LIPN: variants seen among roughly 807,000 people sequenced by gnomAD.
The protein encoded by LIPN is lipase member N.
Under a neutral mutation model 43.7 loss-of-function variants are expected in LIPN, and 32 were observed. The observed-to-expected ratio is 0.73, with a 90% CI of 0.55 to 0.98. The LOEUF (loss-of-function observed/expected upper bound fraction) is 0.98. LIPN is among the 50% of genes least tolerant of loss of function. The pLI is 0.00. For missense variants in LIPN, 505 were observed against 483.8 expected, an observed-to-expected ratio of 1.04 and a Z score of -0.41; for synonymous variants, 156 against 157.6, an observed-to-expected ratio of 0.99 and a Z score of 0.08.
At position 88,762,303 on chromosome 10, in the gene LIPN, C is replaced by T. The variant is rs1738382642; in HGVS notation, c.224C>T (p.Thr75Ile). ...IPYGRTHARSTGPRPVVYMQH... is the reference protein window; with the variant it reads ...IPYGRTHARSIGPRPVVYMQH... ...TATGGGCGAACACATGCTAGGAGCA[C>T]AGGTACAAGATATGTCTCTCCTGAA... The change falls in exon 3 of 10, where the codon ACA becomes ATA. Residue 75 changes from threonine to isoleucine, a missense_variant and splice_region_variant. Coordinates refer to ENST00000404459, the MANE Select transcript of LIPN (RefSeq NM_001102469.2). 2 of 1,583,452 alleles carry T rather than the reference C, an allele frequency of 1.3e-6. No homozygotes were observed. Among genetic ancestry groups the T allele is most frequent in the Non-Finnish European group, 1.7e-6 (2 of 1,157,132 alleles).
chr10:88,771,444 A>G (rs1157310400), intron 7 of LIPN, among the ~76,000 whole-genome samples: 2 of 151,708 alleles, frequency 1.3e-5, no homozygotes, highest in African/African-American at 4.8e-5. Context: ...TCTGGTAACC[A>G]TCATTCTTCT....
chr10:88,763,591 A>G (rs1235770657), intron 3 of LIPN, among the ~76,000 whole-genome samples: 2 of 152,058 alleles, frequency 1.3e-5, no homozygotes, highest in East Asian at 1.9e-4. Flanking sequence ...TAAGAGGCCT[A>G]AAGTCCACAA....
At position 88,763,324 on chromosome 10, in the gene LIPN, T is replaced by C. The variant is rs561119086; in HGVS notation, c.226+1019T>C. Reference sequence around the variant, plus strand: ...TCCTGGAACTTTTTGCTTACTTTTGTTTTTATTTTTTGCTAAATCTGGCAA... The same window carrying C: ...TCCTGGAACTTTTTGCTTACTTTTGCTTTTATTTTTTGCTAAATCTGGCAA... On this transcript the variant is annotated intron_variant, in intron 3 of 9. Coordinates refer to ENST00000404459, the MANE Select transcript of LIPN (RefSeq NM_001102469.2). Among the ~76,000 whole-genome samples the C allele has an allele frequency of 9.9e-5, 15 of 152,194 alleles. No homozygotes were observed. The South Asian group carries it at 3.1e-3, about 32-fold the overall frequency.
At chr10:88,759,623 G>A (rs1255848934), upstream of LIPN, among the ~76,000 whole-genome samples, 1 of 152,026 alleles carries the variant, frequency 6.6e-6, no homozygotes, top group African/African-American at 2.4e-5. Flanking sequence ...TTACAGTCAC[G>A]CACATCCCTA....
chr10:88,770,869 T>C lies in LIPN; in HGVS notation c.697T>C (p.Phe233Leu). ...IKAVFGTKGF[F>L]LEDKKTKIAS... ...GGCTGTTTTTGGTACCAAAGGTTTC[T>C]TTTTAGAAGATAAGAAAACGAAGAT... Residue 233 changes from phenylalanine (F) to leucine (L), a missense_variant, in exon 7 of 10, where the codon TTT becomes CTT. Physicochemically the swap from Phe to Leu is conservative, Grantham distance 22. Transcript: ENST00000404459. 2.0e-6 allele frequency: 3 copies of C among 1,529,470 alleles called. No homozygotes were observed. Among genetic ancestry groups the C allele is most frequent in the Non-Finnish European group, 1.8e-6 (2 of 1,130,946 alleles). The allele number at this position is 1,529,470 out of a possible 1,614,324, so 94.7% of individuals were successfully genotyped here.
chr10:88,764,833 G>T (rs149505790), intron 4 of LIPN, among the ~76,000 whole-genome samples: 1 of 152,018 alleles, frequency 6.6e-6, no homozygotes, highest in Non-Finnish European at 1.5e-5. Context: ...CCAATTCTGT[G>T]AATTCTATGC....
chr10:88,773,373 G>T (rs541015254), intron 7 of LIPN, among the ~76,000 whole-genome samples: 11 of 151,970 alleles, frequency 7.2e-5, no homozygotes, highest in African/African-American at 2.4e-4. Context: ...TATTGCATTT[G>T]AATATATTGG....
chr10:88,761,735 C>A (rs1173264443), intron 2 of LIPN, among the ~76,000 whole-genome samples: 1 of 95,090 alleles, frequency 1.1e-5, no homozygotes, highest in Non-Finnish European at 2.0e-5. Context: ...ATCTATCTAT[C>A]TATCTATCTA....
At chr10:88,769,503 C>T in intron 6 of LIPN, 4 of 762,874 alleles carry the variant, frequency 5.2e-6, no homozygotes, top group Non-Finnish European at 6.3e-6. Context: ...GGGATTTTAT[C>T]TATTAAAGGG....
chr10:88,771,348 C>T (rs548691994), intron 7 of LIPN, among the ~76,000 whole-genome samples: 1 of 151,696 alleles, frequency 6.6e-6, no homozygotes, highest in South Asian at 2.1e-4. Context: ...TTGTGCATGC[C>T]AGACTTTAGT....
intron 6 of LIPN, chr10:88,769,535 C>A: frequency 2.2e-6 from 2 of 894,624 alleles, no homozygotes; most frequent in Non-Finnish European, 2.7e-6. Context: ...TTTCTCTTTG[C>A]TTTTGTTTCT....
At position 88,778,494 on chromosome 10, in the gene LIPN, T is replaced by G. The variant is rs1395227343; in HGVS notation, c.*252T>G. 6.6e-6 allele frequency among the ~76,000 whole-genome samples: 1 copy of G among 152,066 alleles called. No homozygotes were observed. The highest frequency in any genetic ancestry group is 1.9e-4 in the East Asian group (1 of 5,184). On this transcript the variant is annotated 3_prime_UTR_variant, in exon 10 of 10. Transcript: ENST00000404459. ...AACAAGTTGCTACTCTATCTGGCATTTAAGTCTAATTAAATTGTAATTTTT... is the reference window on the plus strand; with the variant it reads ...AACAAGTTGCTACTCTATCTGGCATGTAAGTCTAATTAAATTGTAATTTTT...
Position 88,774,380 on chromosome 10 carries a change from C to A in LIPN, c.820-93C>A, listed in dbSNP as rs185680396. The A allele has an allele frequency of 6.8e-6, 5 of 739,338 alleles. No individual in the cohort carries two copies. In the Admixed American group the frequency reaches 8.6e-5, roughly 13 times the overall value. The allele number at this position is 739,338 out of a possible 1,614,324, so 45.8% of individuals were successfully genotyped here. A position where few individuals can be genotyped will look rare whatever the true frequency, so the allele number is the denominator to read the frequency against. ...ACCTTGTTATTTTCAAAGCCCCAGTCTTGTTTGCTAATTCTGTGCATCATT... is the reference window on the plus strand; with the variant it reads ...ACCTTGTTATTTTCAAAGCCCCAGTATTGTTTGCTAATTCTGTGCATCATT... On this transcript the variant is annotated intron_variant, in intron 7 of 9. Transcript: ENST00000404459.
intron 1 of LIPN, among the ~76,000 whole-genome samples, chr10:88,760,837 T>C (rs1281613472): frequency 2.6e-5 from 4 of 152,152 alleles, no homozygotes; most frequent in Non-Finnish European, 4.4e-5. Flanking sequence ...GGTCTACCTT[T>C]GAATAGACAT....
chr10:88,769,156 T>C (rs1304498281), intron 6 of LIPN, among the ~76,000 whole-genome samples: 1 of 151,930 alleles, frequency 6.6e-6, no homozygotes, highest in Non-Finnish European at 1.5e-5. Flanking sequence ...ATCAGCAGGC[T>C]GAGTATATGT....
At chr10:88,766,661 A>G (rs779174429) in intron 5 of LIPN, among the ~76,000 whole-genome samples, 12 of 151,954 alleles carry the variant, frequency 7.9e-5, no homozygotes, top group Middle Eastern at 3.2e-3. Context: ...CAAAGAAATA[A>G]TTCCACAGAG....
rs761121962 is a variant in LIPN, at chr10:88,761,759, CTATG to C, written c.108+250_108+253del. 0.11 allele frequency among the ~76,000 whole-genome samples: 9,258 copies of C among 87,064 alleles called. 271 individuals are homozygous for C. The highest frequency in any genetic ancestry group is 0.19 in the East Asian group (441 of 2,326). The allele number at this position is 87,064 out of a possible 152,430, so 57.1% of individuals were successfully genotyped here. ...TCTATCTATCTATCTATCTATCTAT[CTATG>C]TATCTATCTATCTATTTATCTATCT... On this transcript the variant is annotated intron_variant, in intron 2 of 9. Coordinates refer to ENST00000404459, the MANE Select transcript of LIPN (RefSeq NM_001102469.2).
intron 6 of LIPN, among the ~76,000 whole-genome samples, chr10:88,769,915 A>C (rs1415547273): frequency 6.6e-6 from 1 of 151,888 alleles, no homozygotes; most frequent in Non-Finnish European, 1.5e-5. Context: ...TTAGGTTTTA[A>C]TGTTTTCTAT....
chr10:88,777,096 C>A (rs1843308036), intron 9 of LIPN, among the ~76,000 whole-genome samples: 1 of 152,020 alleles, frequency 6.6e-6, no homozygotes, highest in Non-Finnish European at 1.5e-5. Flanking sequence ...TCATAGCTAC[C>A]TTATTTAAAG....
Sources: gnomAD v4.1 joint callset for allele counts (sites outside exome capture counted in the v4.1 genomes callset) on GRCh38, gnomAD v4.1.1 for gene constraint, MANE v1.5 for transcripts, NCBI Gene and HGNC (gene_info 2026-07-23, HGNC 2026-07-21) for gene names.